The following ZC3H12B variants were observed in gnomAD, a reference collection of about 807,000 sequenced individuals.
The protein encoded by ZC3H12B is probable ribonuclease ZC3H12B.
ZC3H12B carries 7 observed loss-of-function variants against 43.9 expected under a neutral mutation model. The observed-to-expected ratio is 0.16, with a 90% CI of 0.09 to 0.30. The LOEUF (loss-of-function observed/expected upper bound fraction) is 0.30. Among genes scored for constraint, ZC3H12B ranks in the 10% least tolerant of loss-of-function variants. The probability of loss-of-function intolerance (pLI) is 1.00; values close to 1 mark genes in which losing one functional copy is unlikely to be tolerated. For synonymous variants in ZC3H12B, 222 were observed against 241.7 expected, an observed-to-expected ratio of 0.92 and a Z score of 0.76; for missense variants, 475 against 670.2, an observed-to-expected ratio of 0.71 and a Z score of 3.22.
chrX:65,199,193 TCTGA>T, the ZC3H12B span, among the ~76,000 whole-genome samples: 3 of 107,710 alleles, frequency 2.8e-5, no homozygotes, highest in Non-Finnish European at 3.8e-5. Flanking sequence ...TTGTGTCTCC[TCTGA>T]CTGTGTATTT....
chrX:65,212,569 A>G, the ZC3H12B span, among the ~76,000 whole-genome samples: 1 of 78,588 alleles, frequency 1.3e-5, no homozygotes, highest in Non-Finnish European at 2.3e-5. Context: ...TATGTTATAT[A>G]TAATTATACA....
chrX:65,396,711 A>T (rs746856684), intron 2 of ZC3H12B, among the ~76,000 whole-genome samples: 13 of 110,766 alleles, frequency 1.2e-4, no homozygotes, highest in Non-Finnish European at 2.5e-4. Flanking sequence ...GTAGATGTCT[A>T]TTAGGTCCAC....
the ZC3H12B span, among the ~76,000 whole-genome samples, chrX:65,087,667 C>T: frequency 9.0e-6 from 1 of 111,307 alleles, no homozygotes; most frequent in East Asian, 2.8e-4. Flanking sequence ...TGGAAGTGAT[C>T]CATTACAGAT....
intron 3 of ZC3H12B, among the ~76,000 whole-genome samples, chrX:65,416,146 A>G (rs997250849): frequency 8.9e-6 from 1 of 112,075 alleles, no homozygotes; most frequent in Admixed American, 9.5e-5. Context: ...ATAAGATACG[A>G]TCTTAGCCCC....
chrX:65,061,655 G>A, the ZC3H12B span, among the ~76,000 whole-genome samples: 1 of 112,363 alleles, frequency 8.9e-6, no homozygotes, highest in African/African-American at 3.2e-5. Context: ...ATAGTAGAAT[G>A]ACTTGTAATC....
At chrX:65,187,343 C>A in the ZC3H12B span, 1 of 111,706 alleles carries the variant, frequency 9.0e-6, no homozygotes, top group East Asian at 2.8e-4. Flanking sequence ...TCAAGGCTCA[C>A]AGGCCTCAGG....
chrX:65,280,386 GA>G, the ZC3H12B span, among the ~76,000 whole-genome samples: 3 of 112,015 alleles, frequency 2.7e-5, no homozygotes, highest in Non-Finnish European at 5.6e-5. Flanking sequence ...ATTAGGTACA[GA>G]AGGCAAATAA....
chrX:65,380,816 A>G (rs1392048252), intron 2 of ZC3H12B, among the ~76,000 whole-genome samples: 2 of 111,670 alleles, frequency 1.8e-5, no homozygotes, highest in African/African-American at 6.5e-5. Context: ...AGTCTCTGAT[A>G]AAACAGACTT....
At chrX:65,262,285 T>C in the ZC3H12B span, among the ~76,000 whole-genome samples, 1 of 111,193 alleles carries the variant, frequency 9.0e-6, no homozygotes, top group African/African-American at 3.3e-5. Flanking sequence ...TGGTATTAAG[T>C]TAGGTTACTA....
At position 65,426,541 on chromosome X, in the gene ZC3H12B, TA is replaced by T. The variant is rs763813987; in HGVS notation, n.407+27838del. ...TGGGGTTCATTTTCTCTTGGTTCTC[TA>T]GTTCTTTTAATTGAGATGTTAGGTT... On this transcript the variant is annotated intron_variant and non_coding_transcript_variant, in intron 3 of 5. Transcript: ENST00000617377. Among the ~76,000 whole-genome samples, 11 of 110,908 alleles carry T rather than the reference TA, an allele frequency of 9.9e-5. No individual in the cohort carries two copies. The South Asian group carries it at 3.5e-3, about 35-fold the overall frequency.
the ZC3H12B span, among the ~76,000 whole-genome samples, chrX:65,276,010 A>T: frequency 9.0e-6 from 1 of 111,304 alleles, no homozygotes; most frequent in South Asian, 3.7e-4. Flanking sequence ...AGAAAACCCA[A>T]ATAGCAATTC....
chrX:65,493,374 C>T (rs1006904518), intron 1 of ZC3H12B, among the ~76,000 whole-genome samples: 1 of 110,466 alleles, frequency 9.1e-6, no homozygotes, highest in African/African-American at 3.3e-5. Flanking sequence ...CAGAGTGAGA[C>T]TCAGTCTGAA....
At chrX:65,210,013 G>C in the ZC3H12B span, among the ~76,000 whole-genome samples, 1 of 64,561 alleles carries the variant, frequency 1.5e-5, no homozygotes, top group Non-Finnish European at 2.3e-5. Flanking sequence ...CGTGGGCAAG[G>C]ACTTCATGTC....
the ZC3H12B span, among the ~76,000 whole-genome samples, chrX:65,092,425 G>A: frequency 9.0e-6 from 1 of 111,579 alleles, no homozygotes; most frequent in African/African-American, 3.3e-5. Flanking sequence ...ATAGGAAGAT[G>A]AGGGAAAATT....
At chrX:65,186,043 T>C in the ZC3H12B span, 1 of 111,840 alleles carries the variant, frequency 8.9e-6, no homozygotes, top group African/African-American at 3.2e-5. Context: ...CCAGTCTGGA[T>C]TATATTGTTT....
At chrX:65,282,560 C>A in the ZC3H12B span, among the ~76,000 whole-genome samples, 1 of 110,724 alleles carries the variant, frequency 9.0e-6, no homozygotes, top group Admixed American at 9.6e-5. Flanking sequence ...AAAACATCAA[C>A]AGAATTCGTA....
intron 2 of ZC3H12B, among the ~76,000 whole-genome samples, chrX:65,375,306 G>C (rs2066331261): frequency 8.9e-6 from 1 of 111,928 alleles, no homozygotes; most frequent in Non-Finnish European, 1.9e-5. Flanking sequence ...GTTGGAATTT[G>C]AGTTCACTGC....
At chrX:65,221,096 T>C in the ZC3H12B span, among the ~76,000 whole-genome samples, 2 of 112,026 alleles carry the variant, frequency 1.8e-5, no homozygotes, top group Non-Finnish European at 3.8e-5. Context: ...TACCCTTGAA[T>C]GATCCTTGGG....
At chrX:65,231,121 G>A in the ZC3H12B span, among the ~76,000 whole-genome samples, 1 of 110,954 alleles carries the variant, frequency 9.0e-6, no homozygotes, top group Non-Finnish European at 1.9e-5. Context: ...GGCCTCCGGA[G>A]GTGCCATCAC....
Sources: allele counts gnomAD v4.1 joint callset (sites outside exome capture counted in the v4.1 genomes callset), GRCh38; gene constraint gnomAD v4.1.1; transcripts MANE v1.5; gene names NCBI Gene and HGNC (gene_info 2026-07-23, HGNC 2026-07-21).